The following VSX1 variants were observed in gnomAD, a reference collection of about 807,000 sequenced individuals.
The protein encoded by VSX1 is homeodomain protein RINX.
In VSX1, 23 loss-of-function variants were observed where a neutral mutation model predicts 23.6. The ratio of observed to expected loss-of-function variants is 0.97; its 90% confidence interval spans 0.70 to 1.38. The LOEUF is 1.38. VSX1 is among the 40% of genes most tolerant of loss of function. VSX1 has a pLI of 0.00. For synonymous variants in VSX1, 247 were observed against 215.1 expected (o/e 1.15, Z -1.30); for missense variants, 517 against 495.4 (o/e 1.04, Z -0.41).
chr20:25,080,069 A>G (rs1366417237), intron 1 of VSX1, among the ~76,000 whole-genome samples: 2 of 152,200 alleles, frequency 1.3e-5, no homozygotes, highest in South Asian at 2.1e-4. Flanking sequence ...GGGATCTAGG[A>G]GGCTCATTCT....
At position 25,081,778 on chromosome 20, in the gene VSX1, G is replaced by A. The variant is rs1173963357; in HGVS notation, c.319C>T (p.Pro107Ser). The change falls in exon 1 of 5, where the codon CCG becomes TCG. Residue 107 changes from proline (P) to serine (S), a missense_variant. Pro to Ser is a moderately conservative substitution (Grantham distance 74). Transcript: ENST00000376709. ...TCGGGGCCCCTGGGCGGCAGGAACG[G>A]CACGTCCGCTAGGAGCAGGCAGGGT... ...RAPCLLLADV[P>S]FLPPRGPEPA... is the part of the protein sequence containing the mutation. The A allele has an allele frequency of 6.7e-7, 1 of 1,501,716 alleles. No individual in the cohort carries two copies. Among genetic ancestry groups the A allele is most frequent in the Admixed American group, 2.1e-5 (1 of 46,992 alleles). 93.0% of individuals were successfully genotyped at this position (1,501,716 alleles called of 1,614,324 possible).
chr20:25,081,925 G>A lies in VSX1; in HGVS notation c.172C>T (p.Pro58Ser), dbSNP rs1161858154. The change falls in exon 1 of 5, where the codon CCG becomes TCG. Residue 58 changes from proline (P) to serine (S), a missense_variant. Physicochemically the swap from Pro to Ser is moderately conservative, Grantham distance 74. Coordinates refer to ENST00000376709, the MANE Select transcript of VSX1 (RefSeq NM_014588.6). ...GPGQGSGCEG[P>S]AVAPCPGPGL... ...GGGCCCGGGCACGGCGCGACTGCCG[G>A]ACCCTCGCAGCCAGATCCCTGTCCT... 6.5e-7 allele frequency: 1 copy of A among 1,530,748 alleles called. No homozygotes were observed. Among genetic ancestry groups the A allele is most frequent in the Non-Finnish European group, 8.7e-7 (1 of 1,145,118 alleles). The allele number at this position is 1,530,748 out of a possible 1,614,324, so 94.8% of individuals were successfully genotyped here.
chr20:25,076,130 T>C lies in VSX1; in HGVS notation c.*131A>G. 2 of 1,324,574 alleles carry C rather than the reference T, an allele frequency of 1.5e-6. No individual in the cohort carries two copies. The highest frequency in any genetic ancestry group is 2.1e-6 in the Non-Finnish European group (2 of 935,024). The allele number at this position is 1,324,574 out of a possible 1,614,324, so 82.1% of individuals were successfully genotyped here. On this transcript the variant is annotated 3_prime_UTR_variant, in exon 5 of 5. Coordinates refer to ENST00000376709, the MANE Select transcript of VSX1 (RefSeq NM_014588.6). ...ATCTGTCCTCTTAAAGCAAGTGGCA[T>C]TGCATTTTATCTTGACATTGTCAGA...
In VSX1 at chr20:25,078,924, C is replaced by T. The variant is rs1217590787; in HGVS notation, c.532G>A (p.Glu178Lys). 7.4e-6 allele frequency: 12 copies of T among 1,614,060 alleles called. No homozygotes were observed. Among genetic ancestry groups the T allele is most frequent in the Admixed American group, 1.7e-5 (1 of 60,012 alleles). Residue 178 changes from glutamate (E) to lysine (K), a missense_variant, in exon 3 of 5, where the codon GAG becomes AAG. By Grantham distance (56) the Glu-to-Lys change is moderately conservative (BLOSUM62 1). Transcript: ENST00000376709. The stretch of plus-strand genomic sequence containing the variant: ...GCCTCGCTGAATGCCTTCTCCAACT[C>T]TTCCAGCTGGTGAGCAGTGAAAACT... The part of the protein sequence containing the change: ...RTVFTAHQLE[E>K]LEKAFSEAHY...
At chr20:25,073,949 C>T (rs1015018890), downstream of VSX1, among the ~76,000 whole-genome samples, 3 of 152,052 alleles carry the variant, frequency 2.0e-5, no homozygotes, top group African/African-American at 4.8e-5. Flanking sequence ...GCTCTTAGGG[C>T]GACGTTTTGC....
At position 25,076,049 on chromosome 20, in the gene VSX1, G is replaced by A; in HGVS notation, c.*212C>T. The A allele has an allele frequency of 1.6e-6, 1 of 643,366 alleles. No individual in the cohort carries two copies. Among genetic ancestry groups the A allele is most frequent in the Non-Finnish European group, 2.6e-6 (1 of 378,632 alleles). The allele number at this position is 643,366 out of a possible 1,614,324, so 39.9% of individuals were successfully genotyped here. A position where few individuals can be genotyped will look rare whatever the true frequency, so the allele number is the denominator to read the frequency against. On this transcript the variant is annotated 3_prime_UTR_variant, in exon 5 of 5. Transcript: ENST00000376709. ...TTGCACCAAGTTAACTGGTTAAAGT[G>A]CCATTAAGGAACCGTTTCCATTCTA...
chr20:25,075,051 T>C (rs1389006829), downstream of VSX1, among the ~76,000 whole-genome samples: 2 of 152,084 alleles, frequency 1.3e-5, no homozygotes, highest in African/African-American at 4.8e-5. Context: ...TTCCCAAGAG[T>C]ATGGAACTAA....
At chr20:25,071,882 A>T (rs771786993), downstream of VSX1, 6 of 714,192 alleles carry the variant, frequency 8.4e-6, no homozygotes, top group Non-Finnish European at 1.3e-5. Flanking sequence ...CTACCTGAGC[A>T]CTTCTCCAGA....
chr20:25,073,586 A>C (rs1431319845), downstream of VSX1, among the ~76,000 whole-genome samples: 2 of 152,200 alleles, frequency 1.3e-5, no homozygotes, highest in African/African-American at 4.8e-5. Flanking sequence ...ACTAAACCAA[A>C]CAAGGAATTC....
chr20:25,071,622 G>A (rs986677905), downstream of VSX1: 2 of 543,686 alleles, frequency 3.7e-6, no homozygotes, highest in Non-Finnish European at 7.0e-6. Context: ...CTCTTAATAA[G>A]GAGGGGAGTT....
chr20:25,080,267 C>A (rs1024219099), intron 1 of VSX1, among the ~76,000 whole-genome samples: 3 of 152,134 alleles, frequency 2.0e-5, no homozygotes, highest in African/African-American at 7.2e-5. Context: ...TGAATAAAGG[C>A]AAAAATAACT....
chr20:25,071,480 G>A (rs1489526898), downstream of VSX1: 3 of 431,960 alleles, frequency 6.9e-6, no homozygotes, highest in Non-Finnish European at 1.4e-5. Flanking sequence ...TAACACTCAG[G>A]GTCTTTTTTT....
intron 2 of VSX1, 31 bp from the exon 3 acceptor site, chr20:25,078,983 A>G: frequency 6.2e-7 from 1 of 1,612,698 alleles, no homozygotes; most frequent in African/African-American, 1.3e-5. Context: ...ACAGGTGGGC[A>G]CATGTCCCCT....
At chr20:25,081,496 A>C (rs773976847) in intron 1 of VSX1, 177 bp downstream of exon 1, 1 of 965,656 alleles carries the variant, frequency 1.0e-6, no homozygotes, top group Non-Finnish European at 1.7e-6. Flanking sequence ...AGGATGCAGC[A>C]AGGGGCAGGC....
chr20:25,072,006 G>T (rs762213352), downstream of VSX1: 4 of 622,810 alleles, frequency 6.4e-6, no homozygotes, highest in South Asian at 7.9e-5. Context: ...GCCTCCAGGA[G>T]CAGAAGTTTG....
downstream of VSX1, chr20:25,071,301 C>T: frequency 2.2e-6 from 1 of 454,074 alleles, no homozygotes; most frequent in Non-Finnish European, 4.4e-6. Flanking sequence ...GGGCAGCCAG[C>T]CTTGGGGGAA....
downstream of VSX1, chr20:25,071,557 G>A (rs1330659695): frequency 2.2e-6 from 1 of 464,622 alleles, no homozygotes; most frequent in Non-Finnish European, 4.3e-6. Context: ...GGTATGGACA[G>A]TTCCCTTTCA....
At chr20:25,073,248 AATT>A (rs1455912467), downstream of VSX1, among the ~76,000 whole-genome samples, 1 of 152,024 alleles carries the variant, frequency 6.6e-6, no homozygotes, top group African/African-American at 2.4e-5. Context: ...TAATATTAAA[AATT>A]ATTTTATTTT....
At chr20:25,079,390 T>G (rs2089588976) in intron 2 of VSX1, 46 bp downstream of exon 2, 1 of 1,566,194 alleles carries the variant, frequency 6.4e-7, no homozygotes, top group South Asian at 1.2e-5. Context: ...AACCTTGGGC[T>G]GTGTCCCGAG....
Sources: gnomAD v4.1 joint callset for allele counts (sites outside exome capture counted in the v4.1 genomes callset) on GRCh38, gnomAD v4.1.1 for gene constraint, MANE v1.5 for transcripts, NCBI Gene and HGNC (gene_info 2026-07-23, HGNC 2026-07-21) for gene names.